Variants in KHDRBS2 observed in about 807,000 individuals in gnomAD.
KHDRBS2 encodes KH domain-containing, RNA-binding, signal transduction-associated protein 2.
A neutral mutation model predicts 44.3 loss-of-function variants in KHDRBS2; 26 were observed. The ratio of observed to expected loss-of-function variants is 0.59; its 90% CI spans 0.43 to 0.81. The LOEUF is 0.81. Ranked by LOEUF, KHDRBS2 falls within the 40% of genes least tolerant of loss-of-function variation. KHDRBS2 has a pLI of 0.00. For synonymous variants in KHDRBS2, 194 were observed against 151.1 expected, an observed-to-expected ratio of 1.28 and a Z score of -2.08; for missense variants, 476 against 433.1, an observed-to-expected ratio of 1.10 and a Z score of -0.88.
intron 3 of KHDRBS2, among the ~76,000 whole-genome samples, chr6:61,978,568 C>T (rs2127403482): frequency 6.6e-6 from 1 of 152,116 alleles, no homozygotes. Context: ...GCTTGATGTT[C>T]AGCATTTTGC....
the KHDRBS2 span, among the ~76,000 whole-genome samples, chr6:61,637,945 A>C: frequency 1.6e-3 from 242 of 151,996 alleles, no homozygotes; most frequent in African/African-American, 5.5e-3. Flanking sequence ...CCCTTTTCAG[A>C]TGAGTAGGTT....
intron 4 of KHDRBS2, among the ~76,000 whole-genome samples, chr6:61,948,407 T>C (rs571144627): frequency 6.6e-6 from 1 of 152,164 alleles, no homozygotes; most frequent in Admixed American, 6.6e-5. Flanking sequence ...ACTTAGTCAA[T>C]GTTTAAAATG....
In KHDRBS2 at chr6:62,130,274, G is replaced by A. The variant is rs139872803; in HGVS notation, c.219+46911C>T. On this transcript the variant is annotated intron_variant, in intron 2 of 8. Coordinates refer to ENST00000281156, the MANE Select transcript of KHDRBS2 (RefSeq NM_152688.4). ...GGTGAGAAAATTGAGGCAGTAAATT[G>A]GGGACCAAGTGATAGTTTGCTGCAC... Among the ~76,000 whole-genome samples, 789 of 152,230 alleles carry A rather than the reference G, an allele frequency of 5.2e-3. 8 individuals are homozygous for A. Among genetic ancestry groups the A allele is most frequent in the African/African-American group, 0.018 (751 of 41,536 alleles).
At chr6:61,842,908 T>A (rs1793792072) in intron 6 of KHDRBS2, among the ~76,000 whole-genome samples, 1 of 137,096 alleles carries the variant, frequency 7.3e-6, no homozygotes, top group Non-Finnish European at 1.7e-5. Flanking sequence ...TAGATACATA[T>A]AATCTATACA....
the KHDRBS2 span, among the ~76,000 whole-genome samples, chr6:61,575,902 A>G: frequency 2.8e-4 from 43 of 152,162 alleles, no homozygotes; most frequent in African/African-American, 1.0e-3. Flanking sequence ...GAGCTAAGCT[A>G]TGAGGACACA....
At chr6:62,064,729 T>A (rs1793084684) in intron 2 of KHDRBS2, among the ~76,000 whole-genome samples, 1 of 152,086 alleles carries the variant, frequency 6.6e-6, no homozygotes, top group South Asian at 2.1e-4. Context: ...GGGCAAGGGC[T>A]TCATGTCTAA....
chr6:61,751,617 G>T (rs1479090755), intron 6 of KHDRBS2, among the ~76,000 whole-genome samples: 1 of 152,110 alleles, frequency 6.6e-6, no homozygotes, highest in Non-Finnish European at 1.5e-5. Context: ...GCTGTATTTT[G>T]TCTGGAAAAG....
At chr6:61,789,651 T>C (rs575294789) in intron 6 of KHDRBS2, among the ~76,000 whole-genome samples, 3 of 151,572 alleles carry the variant, frequency 2.0e-5, no homozygotes, top group Admixed American at 1.3e-4. Flanking sequence ...GTGGCTCTTA[T>C]AGGAAAGGCC....
chr6:61,775,860 C>A (rs12525487), intron 6 of KHDRBS2, among the ~76,000 whole-genome samples: 4,475 of 152,208 alleles, frequency 0.029, 268 homozygotes, highest in East Asian at 0.22. Flanking sequence ...AAGAACAAAG[C>A]TGGAGGCAAC....
the KHDRBS2 span, among the ~76,000 whole-genome samples, chr6:61,615,233 C>CAAAA: frequency 5.9e-3 from 346 of 58,548 alleles, 18 homozygotes; most frequent in Middle Eastern, 0.013. Flanking sequence ...ACTCCATCTC[C>CAAAA]AAAAAAAAAA....
chr6:61,597,013 C>T, the KHDRBS2 span, among the ~76,000 whole-genome samples: 2 of 152,242 alleles, frequency 1.3e-5, no homozygotes, highest in South Asian at 4.1e-4. Flanking sequence ...ATCTCAAAGA[C>T]ACAGAGCTTA....
chr6:61,953,364 A>T (rs770036269), intron 4 of KHDRBS2, among the ~76,000 whole-genome samples: 2 of 152,102 alleles, frequency 1.3e-5, no homozygotes, highest in African/African-American at 2.4e-5. Flanking sequence ...CTTGATAAGC[A>T]CTAGAAAAAT....
chr6:61,899,786 A>C (rs1049634156), intron 5 of KHDRBS2, among the ~76,000 whole-genome samples: 13 of 135,538 alleles, frequency 9.6e-5, no homozygotes, highest in African/African-American at 3.2e-4. Flanking sequence ...TGCCCTCTCT[A>C]GGCATCCTAA....
At chr6:62,223,223 C>T (rs890187547) in intron 1 of KHDRBS2, among the ~76,000 whole-genome samples, 29 of 152,302 alleles carry the variant, frequency 1.9e-4, no homozygotes, top group South Asian at 4.1e-4. Context: ...TCTGTGCACT[C>T]GCAGGCTCAA....
chr6:61,609,364 C>T, the KHDRBS2 span, among the ~76,000 whole-genome samples: 1 of 152,000 alleles, frequency 6.6e-6, no homozygotes, highest in African/African-American at 2.4e-5. Context: ...GTCTCAAAAT[C>T]GGCAATGACG....
intron 4 of KHDRBS2, among the ~76,000 whole-genome samples, chr6:61,925,725 C>CAA (rs563177938): frequency 2.0e-4 from 18 of 89,214 alleles, no homozygotes; most frequent in East Asian, 6.4e-4. Context: ...CTCTCTCTCT[C>CAA]AAAAAAAAAA....
At chr6:62,233,016 G>T (rs1833129653) in intron 1 of KHDRBS2, among the ~76,000 whole-genome samples, 1 of 152,084 alleles carries the variant, frequency 6.6e-6, no homozygotes, top group South Asian at 2.1e-4. Context: ...ACAGCCATAA[G>T]TCCTTTCATT....
intron 4 of KHDRBS2, among the ~76,000 whole-genome samples, chr6:61,976,031 A>G (rs1772573643): frequency 6.6e-6 from 1 of 152,172 alleles, no homozygotes; most frequent in East Asian, 1.9e-4. Flanking sequence ...AAGAAGTTAG[A>G]CATACAAGAT....
chr6:62,165,484 T>C (rs779296138), intron 2 of KHDRBS2, among the ~76,000 whole-genome samples: 2 of 151,798 alleles, frequency 1.3e-5, no homozygotes, highest in African/African-American at 4.8e-5. Flanking sequence ...CTTGGCTTTA[T>C]TAAATGCATC....
Sources: allele counts gnomAD v4.1 joint callset (sites outside exome capture counted in the v4.1 genomes callset), GRCh38; gene constraint gnomAD v4.1.1; transcripts MANE v1.5; gene names NCBI Gene and HGNC (gene_info 2026-07-23, HGNC 2026-07-21).